Variants in ZZZ3 observed in about 807,000 individuals in gnomAD.
ZZZ3 encodes ZZ-type zinc finger-containing protein 3.
In ZZZ3, 22 loss-of-function variants were observed where a neutral mutation model predicts 95.2. The observed-to-expected ratio is 0.23, with a 90% CI of 0.17 to 0.33. The LOEUF is 0.33. Among genes scored for constraint, ZZZ3 ranks in the 10% least tolerant of loss-of-function variants. The pLI, the probability that ZZZ3 is intolerant of heterozygous loss-of-function variation, is 1.00. For missense variants in ZZZ3, 885 were observed against 1,066.5 expected, an observed-to-expected ratio of 0.83 and a Z score of 2.37; for synonymous variants, 335 against 358.9, an observed-to-expected ratio of 0.93 and a Z score of 0.75.
At chr1:77,640,881 G>A (rs1668720986) in intron 3 of ZZZ3, 2 of 152,126 alleles carry the variant, frequency 1.3e-5, no homozygotes, top group African/African-American at 4.8e-5. Context: ...AAAGAGAATA[G>A]GGATAGTAAT....
At chr1:77,630,420 T>G (rs1667693574) in intron 5 of ZZZ3, among the ~76,000 whole-genome samples, 1 of 152,142 alleles carries the variant, frequency 6.6e-6, no homozygotes, top group Admixed American at 6.5e-5. Context: ...AAGGTTGCAG[T>G]GAGCCATGAT....
chr1:77,671,380 C>T (rs1671772431), intron 1 of ZZZ3, among the ~76,000 whole-genome samples: 1 of 152,010 alleles, frequency 6.6e-6, no homozygotes, highest in Non-Finnish European at 1.5e-5. Context: ...ATTCAAATGT[C>T]ACTGTAAAAT....
At chr1:77,593,088 G>A (rs1663879346) in intron 5 of ZZZ3, among the ~76,000 whole-genome samples, 1 of 152,136 alleles carries the variant, frequency 6.6e-6, no homozygotes, top group East Asian at 1.9e-4. Context: ...CCTATCAAGA[G>A]AGAACTTTGA....
intron 1 of ZZZ3, among the ~76,000 whole-genome samples, chr1:77,644,224 C>A (rs1316126750): frequency 6.6e-6 from 1 of 152,102 alleles, no homozygotes; most frequent in Admixed American, 6.5e-5. Context: ...TGCCACCACG[C>A]CCATTTAATT....
At chr1:77,618,962 C>T (rs1384860039) in intron 5 of ZZZ3, among the ~76,000 whole-genome samples, 1 of 152,066 alleles carries the variant, frequency 6.6e-6, no homozygotes, top group African/African-American at 2.4e-5. Flanking sequence ...TAAATATATG[C>T]CACAGAATTC....
intron 11 of ZZZ3, among the ~76,000 whole-genome samples, chr1:77,577,871 G>A (rs1449862806): frequency 4.6e-5 from 7 of 152,150 alleles, no homozygotes; most frequent in South Asian, 4.2e-4. Context: ...CACCCGCCTC[G>A]GCCTCCCAAA....
At chr1:77,625,369 A>G (rs1667242596) in intron 5 of ZZZ3, among the ~76,000 whole-genome samples, 1 of 152,180 alleles carries the variant, frequency 6.6e-6, no homozygotes, top group South Asian at 2.1e-4. Flanking sequence ...TAAACTCCTC[A>G]ATGTATCAAT....
chr1:77,601,106 G>A (rs1317189002), intron 5 of ZZZ3, among the ~76,000 whole-genome samples: 1 of 152,176 alleles, frequency 6.6e-6, no homozygotes, highest in Admixed American at 6.6e-5. Context: ...AAGGTAGTGG[G>A]GATGGAGATA....
Position 77,576,131 on chromosome 1 carries a change from C to T in ZZZ3, c.2268G>A (p.Met756Ile). 6.2e-7 allele frequency: 1 copy of T among 1,613,492 alleles called. No homozygotes were observed. Among genetic ancestry groups the T allele is most frequent in the Non-Finnish European group, 8.5e-7 (1 of 1,179,844 alleles). ...FMTSHEPPVY[M>I]DEDDDRSCFH... ...AACAAGATCGGTCATCATCTTCATC[C>T]ATATACACTGGCGGTTCATGTGAAG... is the stretch of plus-strand genomic sequence containing the variant. Residue 756 changes from methionine (M) to isoleucine (I), a missense_variant, in exon 12 of 15, where the codon ATG becomes ATA. Physicochemically the swap from Met to Ile is conservative, Grantham distance 10 (BLOSUM62 1). Coordinates refer to ENST00000370801, the MANE Select transcript of ZZZ3 (RefSeq NM_015534.6).
intron 13 of ZZZ3, among the ~76,000 whole-genome samples, chr1:77,568,123 A>G (rs1486453960): frequency 6.6e-6 from 1 of 152,134 alleles, no homozygotes; most frequent in African/African-American, 2.4e-5. Flanking sequence ...TATTAAAAAT[A>G]CAAAAATTAG....
Position 77,648,864 on chromosome 1 carries a change from C to T in ZZZ3, c.-402-7209G>A, listed in dbSNP as rs538348184. Reference sequence around the variant, plus strand: ...AAGCTCAATAAGCTAGGCATGGTGGCTCAGTGCTGTAATCCCAGAACTTTG... The same window carrying T: ...AAGCTCAATAAGCTAGGCATGGTGGTTCAGTGCTGTAATCCCAGAACTTTG... On this transcript the variant is annotated intron_variant, in intron 1 of 14. Transcript: ENST00000370801. 2.0e-5 allele frequency among the ~76,000 whole-genome samples: 3 copies of T among 152,226 alleles called. No homozygotes were observed. The East Asian group carries it at 5.8e-4, about 29-fold the overall frequency.
chr1:77,675,476 A>AAAGG (rs1672170480), intron 1 of ZZZ3, among the ~76,000 whole-genome samples: 1 of 152,224 alleles, frequency 6.6e-6, no homozygotes, highest in African/African-American at 2.4e-5. Context: ...AGTAGGAAAA[A>AAAGG]AAGGTGTTAA....
At chr1:77,674,682 T>C (rs912473266) in intron 1 of ZZZ3, among the ~76,000 whole-genome samples, 3 of 152,142 alleles carry the variant, frequency 2.0e-5, no homozygotes, top group African/African-American at 7.2e-5. Flanking sequence ...CCGGGTGCAG[T>C]GGCTCACACC....
At chr1:77,675,199 T>C (rs562052392) in intron 1 of ZZZ3, among the ~76,000 whole-genome samples, 1 of 152,286 alleles carries the variant, frequency 6.6e-6, no homozygotes, top group African/African-American at 2.4e-5. Flanking sequence ...AGAAATAATC[T>C]TGGTAGTTCC....
chr1:77,629,557 TC>T (rs778489910), intron 5 of ZZZ3, among the ~76,000 whole-genome samples: 1 of 151,734 alleles, frequency 6.6e-6, no homozygotes, highest in Non-Finnish European at 1.5e-5. Context: ...GGGAGGTAGG[TC>T]AAAGCTGCAG....
At chr1:77,671,595 G>A (rs1671790852) in intron 1 of ZZZ3, among the ~76,000 whole-genome samples, 1 of 152,090 alleles carries the variant, frequency 6.6e-6, no homozygotes, top group African/African-American at 2.4e-5. Context: ...CCTCTGCTTT[G>A]ATTTGCTTAT....
At chr1:77,628,554 C>A (rs1667519811) in intron 5 of ZZZ3, among the ~76,000 whole-genome samples, 1 of 152,174 alleles carries the variant, frequency 6.6e-6, no homozygotes, top group Non-Finnish European at 1.5e-5. Flanking sequence ...TAAATCACAT[C>A]TAAGACTAGG....
In ZZZ3 at chr1:77,602,602, ATTTT is replaced by A. The variant is rs33915566; in HGVS notation, c.1506-17951_1506-17948del. Among the ~76,000 whole-genome samples the A allele has an allele frequency of 4.2e-5, 5 of 117,962 alleles. No individual in the cohort carries two copies. The South Asian group carries it at 8.4e-4, about 20-fold the overall frequency. The allele number at this position is 117,962 out of a possible 152,430, so 77.4% of individuals were successfully genotyped here. On this transcript the variant is annotated intron_variant, in intron 5 of 14. Coordinates refer to ENST00000370801, the MANE Select transcript of ZZZ3 (RefSeq NM_015534.6). ...CCAGACACAACCATTATTTTTACTG[ATTTT>A]TTTTTTTTTTTTTTTTTGAGACTGA...
intron 1 of ZZZ3, among the ~76,000 whole-genome samples, chr1:77,675,378 C>T (rs1377118646): frequency 6.6e-6 from 1 of 151,934 alleles, no homozygotes; most frequent in Non-Finnish European, 1.5e-5. Flanking sequence ...GTAAATAGTG[C>T]CAGAATATAA....
Sources: gnomAD v4.1 joint callset for allele counts (sites outside exome capture counted in the v4.1 genomes callset) on GRCh38, gnomAD v4.1.1 for gene constraint, MANE v1.5 for transcripts, NCBI Gene and HGNC (gene_info 2026-07-23, HGNC 2026-07-21) for gene names.